The following DNAH5 variants were observed in gnomAD, a reference collection of about 807,000 sequenced individuals.
The protein encoded by DNAH5 is axonemal beta dynein heavy chain 5.
A neutral mutation model predicts 518.2 loss-of-function variants in DNAH5; 372 were observed. The ratio of observed to expected loss-of-function variants is 0.72; its 90% CI spans 0.66 to 0.78. The LOEUF (loss-of-function observed/expected upper bound fraction) is 0.78. Ranked by LOEUF, DNAH5 falls within the 30% of genes least tolerant of loss-of-function variation. The pLI is 0.00. For missense variants in DNAH5, 5,523 were observed against 5,687.0 expected (o/e 0.97, Z 0.93); for synonymous variants, 2,039 against 2,025.9 (o/e 1.01, Z -0.17).
chr5:13,996,903 A>G (rs1251093765), intron 1 of DNAH5, among the ~76,000 whole-genome samples: 6 of 151,730 alleles, frequency 4.0e-5, no homozygotes, highest in Non-Finnish European at 7.4e-5. Context: ...TCCCAACCCC[A>G]CCGTTCTGCC....
At chr5:13,862,455 T>G (rs1415930334) in intron 29 of DNAH5, 93 bp downstream of exon 29, 3 of 1,209,600 alleles carry the variant, frequency 2.5e-6, no homozygotes, top group Non-Finnish European at 3.6e-6. Context: ...GTAAACTATA[T>G]GAAGGCTATT....
Position 13,735,269 on chromosome 5 carries a change from T to C in DNAH5, c.11623A>G (p.Met3875Val), listed in dbSNP as rs1044439678. The change falls in exon 68 of 79, where the codon ATG (methionine) becomes GTG (valine). Residue 3875 changes from methionine to valine, a missense_variant. Met to Val is a conservative substitution (Grantham distance 21). This residue lies in a region of DNAH5 where 5,121 missense variants were observed against 5,223.3 expected (regional missense o/e 0.98). Coordinates refer to ENST00000265104, the MANE Select transcript of DNAH5 (RefSeq NM_001369.3). ...GCATACTTATAAACCTCGTAGGTCA[T>C]GTGCTCGATGATATTAGCAATCCTC... ...SKRIANIIEH[M>V]TYEVYKYAAR... 4 of 1,614,142 alleles carry C rather than the reference T, an allele frequency of 2.5e-6. No individual in the cohort carries two copies. The Admixed American group carries it at 5.0e-5, about 20-fold the overall frequency.
chr5:13,792,059 G>C lies in DNAH5; in HGVS notation c.8383C>G (p.Arg2795Gly). The C allele has an allele frequency of 6.2e-7, 1 of 1,613,982 alleles. No individual in the cohort carries two copies. Among genetic ancestry groups the C allele is most frequent in the Non-Finnish European group, 8.5e-7 (1 of 1,179,972 alleles). ...PAKFHYVFNL[R>G]DLSRVWQGML... ...CCCTGCCAGACCCGAGAAAGATCTC[G>C]TAGGTTAAACACATAATGGAATTTT... The change falls in exon 50 of 79, where the codon CGA becomes GGA. Residue 2795 changes from arginine (R) to glycine (G), a missense_variant. Arg to Gly is a moderately radical substitution (Grantham distance 125). This residue lies in a region of DNAH5 where 5,121 missense variants were observed against 5,223.3 expected (regional missense o/e 0.98). Coordinates refer to ENST00000265104, the MANE Select transcript of DNAH5 (RefSeq NM_001369.3).
At chr5:13,868,820 TATA>T (rs1230340700) in intron 24 of DNAH5, among the ~76,000 whole-genome samples, 1 of 152,106 alleles carries the variant, frequency 6.6e-6, no homozygotes, top group Non-Finnish European at 1.5e-5. Context: ...GATGAGGAAG[TATA>T]ATAATCCTGG....
intron 52 of DNAH5, 109 bp from the exon 53 acceptor site, chr5:13,781,068 G>C (rs1490518184): frequency 1.6e-6 from 2 of 1,282,000 alleles, no homozygotes; most frequent in African/African-American, 3.0e-5. Flanking sequence ...GAAGATATAG[G>C]TGTCTCAAGA....
chr5:13,994,320 G>C (rs945194258), intron 1 of DNAH5, among the ~76,000 whole-genome samples: 2 of 152,070 alleles, frequency 1.3e-5, no homozygotes, highest in Non-Finnish European at 2.9e-5. Flanking sequence ...TCCCCAAAAA[G>C]GAATTTTGCC....
At chr5:13,865,344 G>A (rs1017374946) in intron 27 of DNAH5, among the ~76,000 whole-genome samples, 44 of 151,962 alleles carry the variant, frequency 2.9e-4, no homozygotes, top group African/African-American at 1.1e-3. Context: ...GAAAAATCAT[G>A]GGCCCCTGCT....
intron 55 of DNAH5, among the ~76,000 whole-genome samples, chr5:13,772,108 A>T (rs1223716112): frequency 6.6e-6 from 1 of 152,238 alleles, no homozygotes; most frequent in Non-Finnish European, 1.5e-5. Flanking sequence ...AAGAAGTTCA[A>T]GTCTAGGTAC....
At chr5:13,845,248 A>T (rs1765817545) in intron 31 of DNAH5, among the ~76,000 whole-genome samples, 1 of 152,132 alleles carries the variant, frequency 6.6e-6, no homozygotes, top group Non-Finnish European at 1.5e-5. Context: ...ACTATAATGT[A>T]CACATTTTGC....
In DNAH5 at chr5:13,721,091, C is replaced by T. The variant is rs1744993246; in HGVS notation, c.12188G>A (p.Gly4063Glu). 6.2e-7 allele frequency: 1 copy of T among 1,613,950 alleles called. No individual in the cohort carries two copies. Among genetic ancestry groups the T allele is most frequent in the Non-Finnish European group, 8.5e-7 (1 of 1,179,982 alleles). Residue 4063 changes from glycine to glutamate, a missense_variant, in exon 71 of 79, where the codon GGG (glycine) becomes GAG (glutamate). Gly to Glu is a moderately conservative substitution (Grantham distance 98). Transcript: ENST00000265104. ...ACGGGTTTCTATTTTTAATCTCTTC[C>T]CCAAGGCAATGATGGAATCTGTGGG... is the stretch of plus-strand genomic sequence containing the variant. Reference protein sequence around the residue: ...SDPTDSIIALGKRLKIETRYV... With the variant: ...SDPTDSIIALEKRLKIETRYV...
At position 13,824,208 on chromosome 5, in the gene DNAH5, A is replaced by T. The variant is rs767762675; in HGVS notation, c.6570T>A (p.Leu2190=). 6.2e-7 allele frequency: 1 copy of T among 1,614,074 alleles called. No homozygotes were observed. The highest frequency in any genetic ancestry group is 1.7e-5 in the Admixed American group (1 of 60,010). Residue 2190 remains leucine (L), a synonymous_variant, in exon 39 of 79, where the codon CTT becomes CTA. Transcript: ENST00000265104. The part of the protein sequence containing the change: ...IVMRVLRDMN[L]SKLIDEDEPL... ...CATCTGTGAGTCTTACCAGTTTAGAAAGATTCATGTCCCGTAGTACACGCA... is the reference window on the plus strand; with the variant it reads ...CATCTGTGAGTCTTACCAGTTTAGATAGATTCATGTCCCGTAGTACACGCA...
At chr5:14,009,757 T>G (rs1784990480) in intron 1 of DNAH5, among the ~76,000 whole-genome samples, 1 of 152,192 alleles carries the variant, frequency 6.6e-6, no homozygotes, top group Admixed American at 6.5e-5. Flanking sequence ...AAAATGGGGA[T>G]TGCTTACTCA....
intron 44 of DNAH5, 62 bp from the exon 45 acceptor site, chr5:13,810,322 G>A: frequency 7.1e-7 from 1 of 1,414,236 alleles, no homozygotes; most frequent in Non-Finnish European, 9.8e-7. Context: ...TTGCTCTAGG[G>A]TTTCAATGGG....
Position 13,708,238 on chromosome 5 carries a change from C to T in DNAH5, c.13223G>A (p.Arg4408His), listed in dbSNP as rs202034094. ...DRMQRVLSLVRSTLTELKLAI... is the reference protein window; with the variant it reads ...DRMQRVLSLVHSTLTELKLAI... ...AAGTTTCAGCTCAGTGAGGGTGCTG[C>T]GGACAAGGCTGAGTACCCTTTGCAT... The change falls in exon 76 of 79, where the codon CGC (arginine) becomes CAC (histidine). Residue 4408 changes from arginine (R) to histidine (H), a missense_variant. Physicochemically the swap from Arg to His is conservative, Grantham distance 29 (BLOSUM62 0). This residue lies in a region of DNAH5 where 387 missense variants were observed against 430.0 expected (regional missense o/e 0.90). Coordinates refer to ENST00000265104, the MANE Select transcript of DNAH5 (RefSeq NM_001369.3). The T allele has an allele frequency of 3.0e-5, 49 of 1,614,042 alleles. No homozygotes were observed. Among genetic ancestry groups the T allele is most frequent in the South Asian group, 1.3e-4 (12 of 91,088 alleles).
At position 13,884,840 on chromosome 5, in the gene DNAH5, A is replaced by T; in HGVS notation, c.2983+149T>A. ...GACAGGGCGAGACTCCATCTCAAAA[A>T]ATAAAAATTTAAAAAAAGATGAATA... On this transcript the variant is annotated intron_variant, in intron 19 of 78. Transcript: ENST00000265104. 3.1e-6 allele frequency: 4 copies of T among 1,282,014 alleles called. No individual in the cohort carries two copies. The South Asian group carries it at 6.2e-5, about 20-fold the overall frequency. 79.4% of individuals were successfully genotyped at this position (1,282,014 alleles called of 1,614,324 possible). A position where few individuals can be genotyped will look rare whatever the true frequency, so the allele number is the denominator to read the frequency against.
At chr5:13,774,490 C>G (rs1383554121) in intron 55 of DNAH5, among the ~76,000 whole-genome samples, 1 of 152,036 alleles carries the variant, frequency 6.6e-6, no homozygotes, top group Non-Finnish European at 1.5e-5. Flanking sequence ...AAATTGATGG[C>G]ACGTATTATA....
chr5:13,948,369 T>C (rs1163382380), upstream of DNAH5, among the ~76,000 whole-genome samples: 2 of 152,168 alleles, frequency 1.3e-5, no homozygotes, highest in African/African-American at 2.4e-5. Context: ...CAATGAAGCC[T>C]AGTTTAATGG....
At chr5:13,967,162 T>C (rs1222605385) in intron 1 of DNAH5, among the ~76,000 whole-genome samples, 1 of 152,142 alleles carries the variant, frequency 6.6e-6, no homozygotes, top group Non-Finnish European at 1.5e-5. Context: ...GCACCTGGCC[T>C]AGAAGCTTTT....
intron 55 of DNAH5, among the ~76,000 whole-genome samples, chr5:13,775,723 G>A (rs1000271997): frequency 6.6e-6 from 1 of 152,128 alleles, no homozygotes; most frequent in Non-Finnish European, 1.5e-5. Flanking sequence ...CAGTAGAAGT[G>A]GGGAGTAAGA....
Sources: gnomAD v4.1 joint callset for allele counts (sites outside exome capture counted in the v4.1 genomes callset) on GRCh38, gnomAD v4.1.1 for gene constraint, gnomAD v4.1.1 regional missense constraint, MANE v1.5 for transcripts, NCBI Gene and HGNC (gene_info 2026-07-23, HGNC 2026-07-21) for gene names.